Variants in HSDL2 observed in about 807,000 individuals in gnomAD.
HSDL2 encodes hydroxysteroid dehydrogenase like 2, also known as hydroxysteroid dehydrogenase-like protein 2.
HSDL2 carries 27 observed loss-of-function variants against 46.3 expected under a neutral mutation model. The ratio of observed to expected loss-of-function variants is 0.58; its 90% CI spans 0.43 to 0.80. HSDL2 has a LOEUF of 0.80. HSDL2 is among the 30% of genes least tolerant of loss of function. The pLI is 0.00. For synonymous variants in HSDL2, 153 were observed against 163.6 expected, an observed-to-expected ratio of 0.94 and a Z score of 0.50; for missense variants, 451 against 502.7, an observed-to-expected ratio of 0.90 and a Z score of 0.98.
At position 112,459,558 on chromosome 9, in the gene HSDL2, C is replaced by T; in HGVS notation, c.1125C>T (p.Asp375=). 6.2e-7 allele frequency: 1 copy of T among 1,613,444 alleles called. No homozygotes were observed. Among genetic ancestry groups the T allele is most frequent in the Non-Finnish European group, 8.5e-7 (1 of 1,179,502 alleles). The change falls in exon 10 of 11, where the codon GAC becomes GAT. Residue 375 remains aspartate, a synonymous_variant. Coordinates refer to ENST00000398805, the MANE Select transcript of HSDL2 (RefSeq NM_032303.5). The stretch of plus-strand genomic sequence containing the variant: ...TGGTGATGAGTATGACTACTGATGA[C>T]TTTGTAAAAATGTTTTCAGGTGAGT... ...ADVVMSMTTD[D]FVKMFSGKLK... is the part of the protein sequence containing the mutation.
intron 6 of HSDL2, among the ~76,000 whole-genome samples, chr9:112,430,545 GA>G (rs1299943733): frequency 1.3e-5 from 2 of 152,158 alleles, no homozygotes; most frequent in African/African-American, 4.8e-5. Flanking sequence ...TGGCTGTTCT[GA>G]TGAGCCTAGA....
At chr9:112,466,561 A>C (rs1564137343) in intron 10 of HSDL2, among the ~76,000 whole-genome samples, 2 of 77,564 alleles carry the variant, frequency 2.6e-5, no homozygotes, top group African/African-American at 5.4e-5. Flanking sequence ...AAAAAAAAAA[A>C]AATCTTCATA....
chr9:112,390,255 T>A (rs4979111), intron 1 of HSDL2, among the ~76,000 whole-genome samples: 138,836 of 152,066 alleles, frequency 0.91, 63,437 homozygotes, highest in South Asian at 0.97. Context: ...AGATTAGTGG[T>A]ACAGAATAGA....
chr9:112,403,223 C>T (rs903015625), intron 1 of HSDL2, among the ~76,000 whole-genome samples: 4 of 152,288 alleles, frequency 2.6e-5, no homozygotes, highest in South Asian at 2.1e-4. Flanking sequence ...GAAGGAAACC[C>T]CTCAACCCTC....
chr9:112,397,056 A>G (rs1233975265), intron 1 of HSDL2, among the ~76,000 whole-genome samples: 4 of 152,178 alleles, frequency 2.6e-5, no homozygotes, highest in Non-Finnish European at 4.4e-5. Context: ...GTTTGCCTTT[A>G]TGACAACAAG....
At chr9:112,459,646 C>T in intron 10 of HSDL2, 69 bp downstream of exon 10, 2 of 1,345,750 alleles carry the variant, frequency 1.5e-6, no homozygotes, top group Admixed American at 1.7e-5. Flanking sequence ...TTTGCTTTAT[C>T]CCTTCCCAAA....
At chr9:112,464,646 T>C (rs1049673231) in intron 10 of HSDL2, among the ~76,000 whole-genome samples, 7 of 152,238 alleles carry the variant, frequency 4.6e-5, no homozygotes, top group Non-Finnish European at 7.3e-5. Flanking sequence ...TATTTTAAAT[T>C]AGTAATTCAA....
chr9:112,394,427 A>T (rs559131582), intron 1 of HSDL2, among the ~76,000 whole-genome samples: 4 of 152,292 alleles, frequency 2.6e-5, no homozygotes, highest in Admixed American at 2.6e-4. Flanking sequence ...TAGCCTCCAG[A>T]CATCCTCTTC....
Position 112,404,168 on chromosome 9 carries a change from A to C in HSDL2, c.181+10A>C, listed in dbSNP as rs1458022322. Reference sequence around the variant, plus strand: ...ACTGCTGCTGAAGAAAGTGAGTGTGACAGTGCCATTTGATAAAATGTCTTT... The same window carrying C: ...ACTGCTGCTGAAGAAAGTGAGTGTGCCAGTGCCATTTGATAAAATGTCTTT... On this transcript the variant is annotated intron_variant, in intron 2 of 10. Transcript: ENST00000398805. 1 of 1,611,144 alleles carries C rather than the reference A, an allele frequency of 6.2e-7. No homozygotes were observed. Among genetic ancestry groups the C allele is most frequent in the African/African-American group, 1.3e-5 (1 of 74,848 alleles).
Position 112,454,170 on chromosome 9 carries a change from C to T in HSDL2, c.1015+8C>T, listed in dbSNP as rs762129012. The T allele has an allele frequency of 1.9e-6, 3 of 1,601,818 alleles. No individual in the cohort carries two copies. The East Asian group carries it at 6.7e-5, about 36-fold the overall frequency. On this transcript the variant is annotated splice_region_variant and intron_variant, in intron 9 of 10. Transcript: ENST00000398805. ...ATCTGTTTGAACTCTCCGGTAAGGACTGCATCTGGTAATCTGAAGTTTTTA... is the reference window on the plus strand; with the variant it reads ...ATCTGTTTGAACTCTCCGGTAAGGATTGCATCTGGTAATCTGAAGTTTTTA...
At chr9:112,397,941 G>A (rs550059610) in intron 1 of HSDL2, among the ~76,000 whole-genome samples, 6 of 152,256 alleles carry the variant, frequency 3.9e-5, no homozygotes, top group South Asian at 2.1e-4. Context: ...CAGCACGACC[G>A]GATAAGCCGA....
intron 9 of HSDL2, among the ~76,000 whole-genome samples, chr9:112,455,985 G>T (rs968752903): frequency 9.9e-5 from 15 of 152,264 alleles, no homozygotes; most frequent in African/African-American, 3.4e-4. Flanking sequence ...GATTCAGCAG[G>T]TCTGGAGTGG....
intron 1 of HSDL2, among the ~76,000 whole-genome samples, chr9:112,393,758 T>G (rs79971860): frequency 0.14 from 21,305 of 152,188 alleles, 1,837 homozygotes; most frequent in East Asian, 0.21. Flanking sequence ...CTTCTTGAGC[T>G]CGAACCAACA....
intron 4 of HSDL2, among the ~76,000 whole-genome samples, chr9:112,410,330 G>A (rs989743665): frequency 2.0e-5 from 3 of 152,206 alleles, no homozygotes; most frequent in African/African-American, 7.2e-5. Context: ...CACAGAATAG[G>A]TGGTTAGGAG....
chr9:112,386,288 T>A (rs1168258220), intron 1 of HSDL2, among the ~76,000 whole-genome samples: 1 of 152,194 alleles, frequency 6.6e-6, no homozygotes, highest in Non-Finnish European at 1.5e-5. Flanking sequence ...TGGAAACACT[T>A]TTCTTCTGAC....
At chr9:112,450,079 G>A (rs1004644284) in intron 8 of HSDL2, among the ~76,000 whole-genome samples, 2 of 151,888 alleles carry the variant, frequency 1.3e-5, no homozygotes, top group Admixed American at 6.6e-5. Context: ...ACATCCAATC[G>A]ATTTTGTTAT....
At chr9:112,415,569 G>A (rs919790600) in intron 4 of HSDL2, among the ~76,000 whole-genome samples, 5 of 152,152 alleles carry the variant, frequency 3.3e-5, no homozygotes, top group African/African-American at 9.7e-5. Context: ...TGACCGACAA[G>A]TATATTAACT....
At chr9:112,433,198 G>A (rs372508932) in intron 6 of HSDL2, among the ~76,000 whole-genome samples, 2 of 152,146 alleles carry the variant, frequency 1.3e-5, no homozygotes, top group Non-Finnish European at 2.9e-5. Context: ...AAGGAGAACT[G>A]GGAAAGACAT....
intron 6 of HSDL2, among the ~76,000 whole-genome samples, chr9:112,422,084 C>T (rs1028807392): frequency 7.9e-5 from 12 of 152,188 alleles, no homozygotes; most frequent in South Asian, 4.2e-4. Context: ...AGTGAGGAGA[C>T]CTCAGAGACT....
Sources: allele counts gnomAD v4.1 joint callset (sites outside exome capture counted in the v4.1 genomes callset), GRCh38; gene constraint gnomAD v4.1.1; transcripts MANE v1.5; gene names NCBI Gene and HGNC (gene_info 2026-07-23, HGNC 2026-07-21).